Variants in MCOLN3 observed in about 807,000 individuals in gnomAD.
MCOLN3 encodes the protein mucolipin TRP cation channel 3.
Under a neutral mutation model 69.4 loss-of-function variants are expected in MCOLN3, and 62 were observed. The ratio of observed to expected loss-of-function variants is 0.89; its 90% CI spans 0.73 to 1.10. The LOEUF (loss-of-function observed/expected upper bound fraction) is 1.10, where lower values mean the gene tolerates loss of function less well. Among genes scored for constraint, MCOLN3 ranks in the 50% least tolerant of loss-of-function variants. MCOLN3 has a pLI of 0.00. For synonymous variants in MCOLN3, 183 were observed against 217.0 expected, an observed-to-expected ratio of 0.84 and a Z score of 1.38; for missense variants, 564 against 656.4, an observed-to-expected ratio of 0.86 and a Z score of 1.54.
At chr1:85,024,425 T>G (rs1420462932) in intron 9 of MCOLN3, 5 of 152,098 alleles carry the variant, frequency 3.3e-5, no homozygotes, top group African/African-American at 1.2e-4. Context: ...AGTAGGCAGG[T>G]GGAGGGGTTG....
intron 3 of MCOLN3, among the ~76,000 whole-genome samples, chr1:85,037,166 T>C (rs953577984): frequency 6.6e-6 from 1 of 152,168 alleles, no homozygotes. Flanking sequence ...GAGCCAGAAA[T>C]CTATGGTAAC....
At chr1:85,026,857 C>CTT (rs202103621) in intron 7 of MCOLN3, among the ~76,000 whole-genome samples, 28 of 146,756 alleles carry the variant, frequency 1.9e-4, no homozygotes, top group South Asian at 2.2e-4. Context: ...CCTGCATATT[C>CTT]TTTTTTTTTT....
In MCOLN3 at chr1:85,019,141, G is replaced by T; in HGVS notation, c.1644C>A (p.Phe548Leu). The change falls in exon 13 of 13, where the codon TTC becomes TTA. Residue 548 changes from phenylalanine (F) to leucine (L), a missense_variant. Phe to Leu is a conservative substitution (Grantham distance 22). Coordinates refer to ENST00000370589, the MANE Select transcript of MCOLN3 (RefSeq NM_018298.11). Reference sequence around the variant, plus strand: ...CTGATAGCTACTTTTTACAACAGCAGAATAAAGATACTGGAGGGTCATCTT... The same window carrying T: ...CTGATAGCTACTTTTTACAACAGCATAATAAAGATACTGGAGGGTCATCTT... ...RLEDDPPVSL[F>L]CCCKK The T allele has an allele frequency of 6.2e-7, 1 of 1,613,486 alleles. No homozygotes were observed. Among genetic ancestry groups the T allele is most frequent in the Non-Finnish European group, 8.5e-7 (1 of 1,179,688 alleles).
intron 2 of MCOLN3, among the ~76,000 whole-genome samples, chr1:85,043,842 T>G (rs1653203366): frequency 7.8e-6 from 1 of 128,072 alleles, no homozygotes; most frequent in Non-Finnish European, 1.6e-5. Context: ...GCCATGTGAC[T>G]TTTTTTTTTT....
intron 6 of MCOLN3, among the ~76,000 whole-genome samples, chr1:85,031,269 C>CAA (rs60048551): frequency 0.057 from 5,526 of 97,476 alleles, 143 homozygotes; most frequent in Middle Eastern, 0.097. Flanking sequence ...GAATCCATCT[C>CAA]AAAAAAAAAA....
Position 85,021,051 on chromosome 1 carries a change from T to G in MCOLN3, c.1527+19A>C. ...AGTTATAGGACAATGCTACTACTTA[T>G]GGCTCTTGATAAACCTACCTTAATT... is the stretch of plus-strand genomic sequence containing the variant. On this transcript the variant is annotated intron_variant, in intron 12 of 12. Coordinates refer to ENST00000370589, the MANE Select transcript of MCOLN3 (RefSeq NM_018298.11). 6.3e-7 allele frequency: 1 copy of G among 1,574,922 alleles called. No homozygotes were observed. The highest frequency in any genetic ancestry group is 1.7e-5 in the Admixed American group (1 of 59,098).
At position 85,034,174 on chromosome 1, in the gene MCOLN3, G is replaced by A. The variant is rs202204650; in HGVS notation, c.474C>T (p.Ile158=). The change falls in exon 4 of 13, where the codon ATC becomes ATT. Residue 158 remains isoleucine, a synonymous_variant. Transcript: ENST00000370589. ...TTCCTCGCTTGTAGAAGTGCTGACAGATTGCCATAGCAGATTGCTTGGTAC... is the reference window on the plus strand; with the variant it reads ...TTCCTCGCTTGTAGAAGTGCTGACAAATTGCCATAGCAGATTGCTTGGTAC... ...NKGTKQSAMA[I]CQHFYKRGNI... is the part of the protein sequence containing the mutation. The A allele has an allele frequency of 1.9e-6, 3 of 1,614,170 alleles. No homozygotes were observed. The highest frequency in any genetic ancestry group is 4.5e-5 in the East Asian group (2 of 44,896).
chr1:85,047,923 C>A (rs1291804840), intron 1 of MCOLN3, among the ~76,000 whole-genome samples: 1 of 152,188 alleles, frequency 6.6e-6, no homozygotes, highest in Non-Finnish European at 1.5e-5. Flanking sequence ...GCGCAGCGAC[C>A]CGGGCCTGAG....
intron 3 of MCOLN3, among the ~76,000 whole-genome samples, chr1:85,035,668 T>C (rs1311696105): frequency 2.6e-5 from 4 of 152,142 alleles, no homozygotes; most frequent in African/African-American, 7.2e-5. Context: ...TCACCACAAA[T>C]AGGACTGTCT....
At chr1:85,029,431 T>C (rs924940663) in intron 6 of MCOLN3, 1 of 453,102 alleles carries the variant, frequency 2.2e-6, no homozygotes, top group Admixed American at 3.7e-5. Flanking sequence ...TAAAACATTA[T>C]ATGTCTAGGG....
intron 6 of MCOLN3, among the ~76,000 whole-genome samples, chr1:85,030,818 A>G (rs533337655): frequency 3.3e-5 from 5 of 152,218 alleles, no homozygotes; most frequent in Non-Finnish European, 7.3e-5. Flanking sequence ...TAGAAGCAAC[A>G]TCTTTAAAGT....
intron 12 of MCOLN3, among the ~76,000 whole-genome samples, chr1:85,020,266 T>C (rs1651861099): frequency 6.6e-6 from 1 of 152,216 alleles, no homozygotes. Context: ...CCTGGCTTCA[T>C]GAGCAAAGTA....
intron 2 of MCOLN3, among the ~76,000 whole-genome samples, chr1:85,043,721 G>T (rs1653195276): frequency 6.6e-6 from 1 of 151,944 alleles, no homozygotes; most frequent in South Asian, 2.1e-4. Flanking sequence ...CAGAAGTTAA[G>T]AATTTCAATT....
At chr1:85,019,368 T>A in intron 12 of MCOLN3, 111 bp from the exon 13 acceptor site, 6 of 1,035,164 alleles carry the variant, frequency 5.8e-6, no homozygotes, top group Non-Finnish European at 8.6e-6. Flanking sequence ...AGAGAGATAG[T>A]ATCGTTACTC....
chr1:85,023,074 C>CT (rs71582943), intron 9 of MCOLN3: 17,926 of 97,036 alleles, frequency 0.18, 1,633 homozygotes, highest in Non-Finnish European at 0.24. Context: ...GATTTTTATT[C>CT]TTTTTTTTTT....
At chr1:85,021,837 G>A (rs10518327) in intron 11 of MCOLN3, among the ~76,000 whole-genome samples, 31,979 of 152,054 alleles carry the variant, frequency 0.21, 4,223 homozygotes, top group Non-Finnish European at 0.28. Flanking sequence ...GGTGGTAAAC[G>A]GGACTTAATT....
intron 12 of MCOLN3, among the ~76,000 whole-genome samples, 155 bp downstream of exon 12, chr1:85,020,915 T>C (rs1022247661): frequency 3.9e-5 from 6 of 152,348 alleles, no homozygotes; most frequent in Middle Eastern, 3.4e-3. Context: ...TTTCCACTAG[T>C]TCTATTTATC....
intron 12 of MCOLN3, 53 bp from the exon 13 acceptor site, chr1:85,019,310 T>C (rs1651810041): frequency 1.9e-6 from 3 of 1,557,586 alleles, no homozygotes; most frequent in Non-Finnish European, 2.6e-6. Flanking sequence ...TGAAAACAGC[T>C]TCATTCCAAA....
At chr1:85,038,562 T>C (rs1652910531) in intron 3 of MCOLN3, among the ~76,000 whole-genome samples, 1 of 152,178 alleles carries the variant, frequency 6.6e-6, no homozygotes, top group Non-Finnish European at 1.5e-5. Flanking sequence ...GGATAACTAA[T>C]AGTCATGGAT....
Sources: allele counts gnomAD v4.1 joint callset (sites outside exome capture counted in the v4.1 genomes callset), GRCh38; gene constraint gnomAD v4.1.1; transcripts MANE v1.5; gene names NCBI Gene and HGNC (gene_info 2026-07-23, HGNC 2026-07-21).